The following BMPR1A variants were observed in gnomAD, a reference collection of about 807,000 sequenced individuals.
The protein encoded by BMPR1A is bone morphogenetic protein receptor type-1A.
BMPR1A carries 7 observed loss-of-function variants against 66.0 expected under a neutral mutation model. The ratio of observed to expected loss-of-function variants is 0.11; its 90% CI spans 0.06 to 0.20. The LOEUF is 0.20. BMPR1A is among the 10% of genes least tolerant of loss of function. The pLI, the probability that BMPR1A is intolerant of heterozygous loss-of-function variation, is 1.00. For missense variants in BMPR1A, 408 were observed against 669.1 expected (o/e 0.61, Z 4.31); for synonymous variants, 200 against 229.7 (o/e 0.87, Z 1.17).
At chr10:86,903,894 C>T (rs1843347465) in intron 7 of BMPR1A, among the ~76,000 whole-genome samples, 2 of 150,902 alleles carry the variant, frequency 1.3e-5, no homozygotes, top group African/African-American at 2.4e-5. Context: ...GCATGAGCCA[C>T]CGTGCCCGGC....
intron 3 of BMPR1A, among the ~76,000 whole-genome samples, chr10:86,883,724 C>A (rs975435729): frequency 6.6e-6 from 1 of 151,804 alleles, no homozygotes; most frequent in South Asian, 2.1e-4. Flanking sequence ...GAGTGGAGAT[C>A]GTGCCATTGT....
chr10:86,797,834 G>A (rs1033707016), intron 1 of BMPR1A, among the ~76,000 whole-genome samples: 1 of 152,014 alleles, frequency 6.6e-6, no homozygotes, highest in Non-Finnish European at 1.5e-5. Context: ...CATGAGACCC[G>A]GAAGATGTTT....
At chr10:86,912,090 T>A (rs556345095) in intron 7 of BMPR1A, 150 bp from the exon 8 acceptor site, 2 of 799,244 alleles carry the variant, frequency 2.5e-6, no homozygotes, top group African/African-American at 3.5e-5. Context: ...TTTCTAGATG[T>A]ATTTAACAGG....
At chr10:86,904,706 A>G (rs1382843112) in intron 7 of BMPR1A, among the ~76,000 whole-genome samples, 1 of 152,178 alleles carries the variant, frequency 6.6e-6, no homozygotes, top group African/African-American at 2.4e-5. Context: ...AACTAACAAT[A>G]TCTTTTAAGA....
chr10:86,772,817 C>T (rs766494531), intron 1 of BMPR1A, among the ~76,000 whole-genome samples: 4 of 152,038 alleles, frequency 2.6e-5, no homozygotes, highest in African/African-American at 4.8e-5. Flanking sequence ...TTTTTTCCCT[C>T]CTGATTGCAA....
chr10:86,835,262 A>C (rs1842324832), intron 1 of BMPR1A, among the ~76,000 whole-genome samples: 1 of 150,150 alleles, frequency 6.7e-6, no homozygotes, highest in Admixed American at 6.6e-5. Context: ...AAAAAAAAAA[A>C]ACAGAAAAAA....
At chr10:86,884,284 G>A (rs939084616) in intron 3 of BMPR1A, among the ~76,000 whole-genome samples, 3 of 150,618 alleles carry the variant, frequency 2.0e-5, no homozygotes, top group South Asian at 4.2e-4. Flanking sequence ...CCAGGTCTCA[G>A]CATGTTTCCC....
At chr10:86,817,734 A>G (rs115494877) in intron 1 of BMPR1A, among the ~76,000 whole-genome samples, 10,555 of 152,264 alleles carry the variant, frequency 0.069, 458 homozygotes, top group Non-Finnish European at 0.081. Flanking sequence ...CTGACAGAAA[A>G]GAAAAACCCT....
In BMPR1A at chr10:86,861,474, A is replaced by G. The variant is rs543977085; in HGVS notation, c.-152-14393A>G. On this transcript the variant is annotated intron_variant, in intron 2 of 12. Transcript: ENST00000372037. ...TTTTACGTACACATACTACCTTTGA[A>G]CCTTCAGTGTGTTGTTTATGTACTG... Among the ~76,000 whole-genome samples the G allele has an allele frequency of 2.0e-5, 3 of 152,238 alleles. No homozygotes were observed. The South Asian group carries it at 6.2e-4, about 32-fold the overall frequency.
chr10:86,905,811 C>CAA (rs200605846), intron 7 of BMPR1A, among the ~76,000 whole-genome samples: 3 of 123,882 alleles, frequency 2.4e-5, no homozygotes, highest in East Asian at 2.3e-4. Flanking sequence ...GTGATTACAG[C>CAA]AAAAAAAAAA....
chr10:86,907,570 A>G (rs1469175804), intron 7 of BMPR1A, among the ~76,000 whole-genome samples: 4 of 151,990 alleles, frequency 2.6e-5, no homozygotes, highest in Non-Finnish European at 5.9e-5. Flanking sequence ...TGTGGAATCA[A>G]CCGTGTCCAT....
intron 1 of BMPR1A, among the ~76,000 whole-genome samples, chr10:86,813,746 C>T (rs1049029580): frequency 1.3e-5 from 2 of 152,134 alleles, no homozygotes; most frequent in South Asian, 2.1e-4. Flanking sequence ...TGTTCCTCTT[C>T]GTCCCTGTGT....
chr10:86,808,669 C>A (rs961437124), intron 1 of BMPR1A, among the ~76,000 whole-genome samples: 5 of 152,196 alleles, frequency 3.3e-5, no homozygotes, highest in Admixed American at 1.3e-4. Flanking sequence ...GCTTGAAATT[C>A]AGTTACAATG....
chr10:86,865,109 C>T (rs955368317), intron 2 of BMPR1A, among the ~76,000 whole-genome samples: 5 of 152,216 alleles, frequency 3.3e-5, no homozygotes. Context: ...CACATATACG[C>T]CCAGATGGCC....
In BMPR1A at chr10:86,927,240, T is replaced by C. The variant is rs1305869855; in HGVS notation, c.*3521T>C. 5.2e-6 allele frequency: 1 copy of C among 190,592 alleles called. No homozygotes were observed. The highest frequency in any genetic ancestry group is 1.1e-5 in the Non-Finnish European group (1 of 90,866). The allele number at this position is 190,592 out of a possible 1,614,324, so 11.8% of individuals were successfully genotyped here. A position where few individuals can be genotyped will look rare whatever the true frequency, so the allele number is the denominator to read the frequency against. Reference sequence around the variant, plus strand: ...GGTTGGCCCAGGATCAAATTTGATATTGAATAATTTATTCCAGGGCAGCTT... The same window carrying C: ...GGTTGGCCCAGGATCAAATTTGATACTGAATAATTTATTCCAGGGCAGCTT... On this transcript the variant is annotated 3_prime_UTR_variant, in exon 13 of 13. Coordinates refer to ENST00000372037, the MANE Select transcript of BMPR1A (RefSeq NM_004329.3).
intron 10 of BMPR1A, among the ~76,000 whole-genome samples, chr10:86,920,600 T>C (rs1216360507): frequency 2.6e-5 from 4 of 152,198 alleles, no homozygotes; most frequent in Non-Finnish European, 4.4e-5. Flanking sequence ...TCAGATGCTA[T>C]AGGAAAATAC....
rs140055609 is a variant in BMPR1A at position 86,805,675 on chromosome 10, A to G, written c.-267-33190A>G. On this transcript the variant is annotated intron_variant, in intron 1 of 12. Coordinates refer to ENST00000372037, the MANE Select transcript of BMPR1A (RefSeq NM_004329.3). ...ACGGGGTTTTGCCATGTTAGCCAGG[A>G]TGGTCTCGATCTTCTGACCTCATGA... Among the ~76,000 whole-genome samples the G allele has an allele frequency of 4.4e-3, 676 of 151,946 alleles. 9 individuals carry two copies. Among genetic ancestry groups the G allele is most frequent in the African/African-American group, 0.015 (638 of 41,474 alleles).
intron 2 of BMPR1A, among the ~76,000 whole-genome samples, chr10:86,868,727 A>G (rs918951880): frequency 1.3e-5 from 2 of 150,164 alleles, no homozygotes; most frequent in Non-Finnish European, 2.9e-5. Context: ...AGAGGAAGGA[A>G]TGACTTTACT....
At chr10:86,867,463 G>A (rs377136992) in intron 2 of BMPR1A, among the ~76,000 whole-genome samples, 4 of 152,140 alleles carry the variant, frequency 2.6e-5, no homozygotes, top group African/African-American at 4.8e-5. Flanking sequence ...TCATTTCTGC[G>A]TGTTCTAGAG....
Sources: allele counts gnomAD v4.1 joint callset (sites outside exome capture counted in the v4.1 genomes callset), GRCh38; gene constraint gnomAD v4.1.1; transcripts MANE v1.5; gene names NCBI Gene and HGNC (gene_info 2026-07-23, HGNC 2026-07-21).